Variants in KDM4C observed in about 807,000 individuals in gnomAD.
KDM4C encodes lysine demethylase 4C.
A neutral mutation model predicts 129.3 loss-of-function variants in KDM4C; 81 were observed. The observed-to-expected ratio is 0.63, with a 90% CI of 0.52 to 0.75. The LOEUF (loss-of-function observed/expected upper bound fraction) is 0.75, where lower values mean the gene tolerates loss of function less well. Ranked by LOEUF, KDM4C falls within the 30% of genes least tolerant of loss-of-function variation. The pLI is 0.00. For missense variants in KDM4C, 1,457 were observed against 1,304.0 expected (o/e 1.12, Z -1.81); for synonymous variants, 573 against 456.1 (o/e 1.26, Z -3.26).
chr9:7,020,087 G>C (rs1824519679), intron 15 of KDM4C, among the ~76,000 whole-genome samples: 1 of 152,036 alleles, frequency 6.6e-6, no homozygotes. Context: ...ACGTCACTCT[G>C]ATTCATTGTG....
intron 1 of KDM4C, among the ~76,000 whole-genome samples, chr9:6,726,134 G>T (rs145006338): frequency 2.0e-5 from 3 of 151,882 alleles, no homozygotes; most frequent in African/African-American, 7.2e-5. Context: ...TCGCCGTCGC[G>T]GCCAGACTGG....
intron 8 of KDM4C, among the ~76,000 whole-genome samples, chr9:6,916,114 A>C (rs1178472468): frequency 6.6e-6 from 1 of 152,168 alleles, no homozygotes; most frequent in Non-Finnish European, 1.5e-5. Context: ...AACCTGAGTA[A>C]AGATGGGGGC....
chr9:6,934,928 A>T (rs1824481229), intron 8 of KDM4C, among the ~76,000 whole-genome samples: 1 of 151,924 alleles, frequency 6.6e-6, no homozygotes, highest in Admixed American at 6.6e-5. Flanking sequence ...TTTATTCTCA[A>T]CCATGTGTGC....
At chr9:7,138,207 A>G (rs1001774660) in intron 19 of KDM4C, among the ~76,000 whole-genome samples, 1 of 152,204 alleles carries the variant, frequency 6.6e-6, no homozygotes, top group African/African-American at 2.4e-5. Context: ...AGAGTGTTCT[A>G]TGCTAAGAAG....
At chr9:6,937,001 T>C (rs190093363) in intron 8 of KDM4C, among the ~76,000 whole-genome samples, 1,603 of 152,342 alleles carry the variant, frequency 0.011, 16 homozygotes, top group Non-Finnish European at 0.015. Flanking sequence ...TGTAGTTACA[T>C]ATAATATTTT....
chr9:6,902,922 C>T lies in KDM4C; in HGVS notation c.921+9690C>T, dbSNP rs990092086. On this transcript the variant is annotated intron_variant, in intron 8 of 21. Transcript: ENST00000381309. ...TGCTGAGAGAAGGAATTTGAAGGAG[C>T]TGTTGCTTATATCTTCAGAAACACA... Among the ~76,000 whole-genome samples the T allele has an allele frequency of 5.3e-5, 8 of 152,094 alleles. No individual in the cohort carries two copies. In the East Asian group the frequency reaches 1.5e-3, roughly 29 times the overall value.
intron 17 of KDM4C, among the ~76,000 whole-genome samples, chr9:7,057,416 C>T (rs1831014922): frequency 6.6e-6 from 1 of 152,234 alleles, no homozygotes; most frequent in Non-Finnish European, 1.5e-5. Context: ...TAAGAAGCCT[C>T]CCTTAGGTTG....
chr9:6,835,905 A>G (rs971220722), intron 4 of KDM4C, among the ~76,000 whole-genome samples: 9 of 152,304 alleles, frequency 5.9e-5, no homozygotes, highest in South Asian at 2.1e-4. Flanking sequence ...ACTTGTGTCT[A>G]AGGAGAATGG....
chr9:7,074,200 G>C (rs1479625175), intron 17 of KDM4C, among the ~76,000 whole-genome samples: 1 of 151,524 alleles, frequency 6.6e-6, no homozygotes, highest in Non-Finnish European at 1.5e-5. Flanking sequence ...GTTTCGCTCT[G>C]TCACCCAGGC....
At chr9:6,728,534 A>C (rs1817218471) in intron 1 of KDM4C, among the ~76,000 whole-genome samples, 1 of 151,526 alleles carries the variant, frequency 6.6e-6, no homozygotes, top group Non-Finnish European at 1.5e-5. Context: ...CTACTCTGAA[A>C]AAACAAACAA....
At chr9:6,760,725 C>T (rs1205412308) in intron 1 of KDM4C, among the ~76,000 whole-genome samples, 4 of 151,974 alleles carry the variant, frequency 2.6e-5, no homozygotes, top group African/African-American at 9.7e-5. Flanking sequence ...CACCCACCAC[C>T]ATGCCTGGCT....
chr9:6,992,118 T>C (rs1111825), intron 12 of KDM4C, among the ~76,000 whole-genome samples: 149,858 of 152,256 alleles, frequency 0.98, 73,802 homozygotes, highest in East Asian at 1. Flanking sequence ...ACTTAATGTA[T>C]AATGCTCATG....
intron 5 of KDM4C, among the ~76,000 whole-genome samples, chr9:6,871,215 A>G (rs1273605207): frequency 6.6e-6 from 1 of 152,234 alleles, no homozygotes; most frequent in Non-Finnish European, 1.5e-5. Flanking sequence ...TTCCTAGAGA[A>G]AACTTGAACT....
At position 6,888,072 on chromosome 9, in the gene KDM4C, GTA is replaced by G; in HGVS notation, c.783+11_783+12del. 1 of 1,372,650 alleles carries G rather than the reference GTA, an allele frequency of 7.3e-7. No individual in the cohort carries two copies. The highest frequency in any genetic ancestry group is 1.0e-6 in the Non-Finnish European group (1 of 975,868). 85.0% of individuals were successfully genotyped at this position (1,372,650 alleles called of 1,614,324 possible). A position where few individuals can be genotyped will look rare whatever the true frequency, so the allele number is the denominator to read the frequency against. ...GTATTCCCTTTGACAAGGTATGTTAGTATTCATCTTACACAAATTAATTTTGT... is the reference window on the plus strand; with the variant it reads ...GTATTCCCTTTGACAAGGTATGTTAGTTCATCTTACACAAATTAATTTTGT... On this transcript the variant is annotated intron_variant, in intron 7 of 21. Coordinates refer to ENST00000381309, the MANE Select transcript of KDM4C (RefSeq NM_015061.6).
chr9:7,133,169 A>G (rs1057285595), intron 19 of KDM4C, among the ~76,000 whole-genome samples: 2 of 152,208 alleles, frequency 1.3e-5, no homozygotes, highest in Admixed American at 1.3e-4. Flanking sequence ...CCTGACATAT[A>G]GTAGGAAAAG....
chr9:6,929,749 A>G (rs1823328094), intron 8 of KDM4C, among the ~76,000 whole-genome samples: 1 of 152,142 alleles, frequency 6.6e-6, no homozygotes, highest in South Asian at 2.1e-4. Context: ...TGGTATGTGC[A>G]AGCAGAAAGG....
intron 19 of KDM4C, among the ~76,000 whole-genome samples, chr9:7,134,204 C>T (rs370208001): frequency 2.0e-5 from 3 of 152,208 alleles, no homozygotes; most frequent in South Asian, 2.1e-4. Context: ...AGGGTTCTCT[C>T]GCTTTTCTAT....
intron 4 of KDM4C, among the ~76,000 whole-genome samples, chr9:6,820,422 A>G (rs959140905): frequency 2.0e-5 from 3 of 152,192 alleles, no homozygotes; most frequent in African/African-American, 7.2e-5. Context: ...CAGCTGTGGG[A>G]TATGGGAGAG....
intron 17 of KDM4C, among the ~76,000 whole-genome samples, chr9:7,067,284 C>T (rs1832554085): frequency 6.6e-6 from 1 of 152,242 alleles, no homozygotes; most frequent in Non-Finnish European, 1.5e-5. Flanking sequence ...ACCCCTTCTT[C>T]CTATAGCTGT....
Sources: gnomAD v4.1 joint callset for allele counts (sites outside exome capture counted in the v4.1 genomes callset) on GRCh38, gnomAD v4.1.1 for gene constraint, MANE v1.5 for transcripts, NCBI Gene and HGNC (gene_info 2026-07-23, HGNC 2026-07-21) for gene names.